SAAL1: variants seen among roughly 807,000 people sequenced by gnomAD.
The protein encoded by SAAL1 is protein SAAL1.
Under a neutral mutation model 59.8 loss-of-function variants are expected in SAAL1, and 42 were observed. That is an observed-to-expected ratio of 0.70 (90% CI 0.55 to 0.91). The LOEUF is 0.91. SAAL1 is among the 40% of genes least tolerant of loss of function. The pLI is 0.00. For missense variants in SAAL1, 542 were observed against 561.1 expected (o/e 0.97, Z 0.34); for synonymous variants, 191 against 194.3 (o/e 0.98, Z 0.14).
chr11:18,086,677 T>G (rs566955263), intron 9 of SAAL1, among the ~76,000 whole-genome samples, 189 bp downstream of exon 9: 93 of 151,908 alleles, frequency 6.1e-4, no homozygotes, highest in African/African-American at 2.2e-3. Flanking sequence ...CTCCAGCCTG[T>G]GCAACACAGC....
Position 18,083,515 on chromosome 11 carries a change from C to T in SAAL1, c.1239+20G>A, listed in dbSNP as rs1417759350. 1 of 1,451,954 alleles carries T rather than the reference C, an allele frequency of 6.9e-7. No homozygotes were observed. The highest frequency in any genetic ancestry group is 1.4e-5 in the African/African-American group (1 of 71,378). The allele number at this position is 1,451,954 out of a possible 1,614,324, so 89.9% of individuals were successfully genotyped here. On this transcript the variant is annotated intron_variant, in intron 10 of 11. Coordinates refer to ENST00000524803, the MANE Select transcript of SAAL1 (RefSeq NM_138421.3). ...CCACACTTTCTTTTGCTTATGACAT[C>T]ATCAATACTTCTTTCCTACCTTTGT... is the stretch of plus-strand genomic sequence containing the variant.
At chr11:18,086,612 A>C (rs1848466327) in intron 9 of SAAL1, among the ~76,000 whole-genome samples, 1 of 152,150 alleles carries the variant, frequency 6.6e-6, no homozygotes, top group African/African-American at 2.4e-5. Context: ...GAGGCACGAG[A>C]ATCACTTGAA....
In SAAL1 at chr11:18,096,797, C is replaced by A; in HGVS notation, c.307G>T (p.Ala103Ser). ...NAPDIFMGVL[A>S]KSKCPRLREI... is the part of the protein sequence containing the mutation. Reference sequence around the variant, plus strand: ...CTTAATCGAGGACACTTGGACTTGGCCAGTACTCCCATGAATATATCAGGA... The same window carrying A: ...CTTAATCGAGGACACTTGGACTTGGACAGTACTCCCATGAATATATCAGGA... The change falls in exon 3 of 12, where the codon GCC (alanine) becomes TCC (serine). Residue 103 changes from alanine (A) to serine (S), a missense_variant. By Grantham distance (99) the Ala-to-Ser change is moderately conservative (BLOSUM62 1). Transcript: ENST00000524803. 1 of 1,585,420 alleles carries A rather than the reference C, an allele frequency of 6.3e-7. No individual in the cohort carries two copies. The highest frequency in any genetic ancestry group is 8.6e-7 in the Non-Finnish European group (1 of 1,158,686).
intron 9 of SAAL1, among the ~76,000 whole-genome samples, chr11:18,085,112 A>G (rs1848449481): frequency 6.6e-6 from 1 of 152,184 alleles, no homozygotes. Flanking sequence ...ATGGAACTCT[A>G]GGATTATTCC....
intron 2 of SAAL1, among the ~76,000 whole-genome samples, chr11:18,100,127 T>A (rs925266277): frequency 1.3e-5 from 2 of 152,216 alleles, no homozygotes; most frequent in African/African-American, 2.4e-5. Context: ...TTTAAAAAAA[T>A]TTGTTTAACC....
rs371391475 is a variant in SAAL1 at position 18,086,889 on chromosome 11, T to C, written c.1019A>G (p.Gln340Arg). The C allele has an allele frequency of 1.2e-6, 2 of 1,611,794 alleles. No homozygotes were observed. Among genetic ancestry groups the C allele is most frequent in the East Asian group, 4.5e-5 (2 of 44,858 alleles). The change falls in exon 9 of 12, where the codon CAA becomes CGA. Residue 340 changes from glutamine (Q) to arginine (R), a missense_variant. Coordinates refer to ENST00000524803, the MANE Select transcript of SAAL1 (RefSeq NM_138421.3). ...LSAIYASQTEQEYLKIEKVDL... is the reference protein window; with the variant it reads ...LSAIYASQTEREYLKIEKVDL... ...GCCTTTTTCTATCTTTAGATACTCT[T>C]GCTCAGTCTGTGAGGCATAGATGGC...
rs773291524 is a variant in SAAL1 at position 18,103,196 on chromosome 11, C to T, written c.249+37G>A. ...AAAACATTCATTCACCATCTCCTCACCCAACAGTCTTCAGAGTTTTGTTTC... is the reference window on the plus strand; with the variant it reads ...AAAACATTCATTCACCATCTCCTCATCCAACAGTCTTCAGAGTTTTGTTTC... On this transcript the variant is annotated intron_variant, in intron 2 of 11. Coordinates refer to ENST00000524803, the MANE Select transcript of SAAL1 (RefSeq NM_138421.3). The T allele has an allele frequency of 9.5e-6, 13 of 1,371,758 alleles. No individual in the cohort carries two copies. The South Asian group carries it at 1.4e-4, about 15-fold the overall frequency. 85.0% of individuals were successfully genotyped at this position (1,371,758 alleles called of 1,614,324 possible).
intron 7 of SAAL1, among the ~76,000 whole-genome samples, chr11:18,088,041 C>T (rs899173708): frequency 2.6e-5 from 4 of 152,036 alleles, no homozygotes; most frequent in Admixed American, 2.0e-4. Context: ...GATGTTTACA[C>T]AGAAACATGA....
At chr11:18,094,171 A>G (rs780248449) in intron 3 of SAAL1, among the ~76,000 whole-genome samples, 5 of 152,156 alleles carry the variant, frequency 3.3e-5, no homozygotes, top group South Asian at 2.1e-4. Flanking sequence ...TTATGATTAG[A>G]TAAGTGTGAC....
rs368555414 is a variant in SAAL1, at chr11:18,088,084, A to G, written c.771-859T>C. 3.0e-4 allele frequency among the ~76,000 whole-genome samples: 45 copies of G among 152,322 alleles called. No individual in the cohort carries two copies. The East Asian group carries it at 6.2e-3, about 21-fold the overall frequency. Reference sequence around the variant, plus strand: ...AAGAAGTGTCTGAGGTGGAGGAAACATACTGTGCAAGGGCCTGGAGACAAG... The same window carrying G: ...AAGAAGTGTCTGAGGTGGAGGAAACGTACTGTGCAAGGGCCTGGAGACAAG... On this transcript the variant is annotated intron_variant, in intron 7 of 11. Transcript: ENST00000524803.
At chr11:18,102,694 T>C (rs1399011121) in intron 2 of SAAL1, among the ~76,000 whole-genome samples, 3 of 152,194 alleles carry the variant, frequency 2.0e-5, no homozygotes, top group Non-Finnish European at 1.5e-5. Flanking sequence ...TTAATGTCTT[T>C]TGGCCTCTAT....
intron 3 of SAAL1, among the ~76,000 whole-genome samples, chr11:18,093,041 T>C (rs1848538177): frequency 6.6e-6 from 1 of 152,210 alleles, no homozygotes; most frequent in South Asian, 2.1e-4. Context: ...CGATGAAATC[T>C]TGCACCGTCT....
At chr11:18,103,084 T>TG (rs1228116167) in intron 2 of SAAL1, 149 bp downstream of exon 2, 3 of 618,652 alleles carry the variant, frequency 4.8e-6, no homozygotes, top group Non-Finnish European at 8.7e-6. Flanking sequence ...TTATAGCCCC[T>TG]GGGATCTCAT....
chr11:18,100,047 G>A (rs555011270), intron 2 of SAAL1, among the ~76,000 whole-genome samples: 4 of 152,222 alleles, frequency 2.6e-5, no homozygotes, highest in African/African-American at 9.6e-5. Context: ...AAACAGTAGC[G>A]CTGTTTTCTC....
chr11:18,092,423 G>A, intron 3 of SAAL1, 99 bp from the exon 4 acceptor site: 1 of 777,316 alleles, frequency 1.3e-6, no homozygotes, highest in Non-Finnish European at 2.3e-6. Context: ...CAAGTTTTGG[G>A]GCAAGGCGGA....
intron 7 of SAAL1, among the ~76,000 whole-genome samples, chr11:18,088,118 G>C (rs1008963203): frequency 1.3e-5 from 2 of 152,202 alleles, no homozygotes; most frequent in African/African-American, 4.8e-5. Flanking sequence ...AGACAGCCTG[G>C]TTCAGTTGAA....
In SAAL1 at chr11:18,095,281, C is replaced by G. The variant is rs532847386; in HGVS notation, c.333+1490G>C. Among the ~76,000 whole-genome samples, 193 of 152,188 alleles carry G rather than the reference C, an allele frequency of 1.3e-3. 3 individuals are homozygous for G. The South Asian group carries it at 0.015, about 12-fold the overall frequency. On this transcript the variant is annotated intron_variant, in intron 3 of 11. Transcript: ENST00000524803. ...TGCCATTCCTGACATAAGCTTATTT[C>G]TTTATATACTAGTAGTGAGTAAATA... is the stretch of plus-strand genomic sequence containing the variant.
chr11:18,097,872 AGGT>A (rs3993316), intron 2 of SAAL1, among the ~76,000 whole-genome samples: 62,264 of 150,620 alleles, frequency 0.41, 13,458 homozygotes, highest in African/African-American at 0.51. Context: ...TGGCTGGGCG[AGGT>A]GGCTCACGCC....
intron 3 of SAAL1, 74 bp from the exon 4 acceptor site, chr11:18,092,398 A>AAAC: frequency 2.0e-6 from 2 of 1,012,032 alleles, no homozygotes; most frequent in South Asian, 2.6e-5. Flanking sequence ...ACTTGAACAA[A>AAAC]AACTTTCGCT....
Sources: allele counts gnomAD v4.1 joint callset (sites outside exome capture counted in the v4.1 genomes callset), GRCh38; gene constraint gnomAD v4.1.1; transcripts MANE v1.5; gene names NCBI Gene and HGNC (gene_info 2026-07-23, HGNC 2026-07-21).